CLIP4: variants seen among roughly 807,000 people sequenced by gnomAD.
CLIP4 encodes CAP-Gly domain-containing linker protein 4.
A neutral mutation model predicts 73.1 loss-of-function variants in CLIP4; 47 were observed. The ratio of observed to expected loss-of-function variants is 0.64; its 90% CI spans 0.51 to 0.82. The LOEUF (loss-of-function observed/expected upper bound fraction) is 0.82. Among genes scored for constraint, CLIP4 ranks in the 40% least tolerant of loss-of-function variants. The pLI is 0.00. For synonymous variants in CLIP4, 306 were observed against 295.4 expected (o/e 1.04, Z -0.37); for missense variants, 874 against 852.9 (o/e 1.02, Z -0.31).
chr2:29,169,228 G>A (rs763122582), intron 14 of CLIP4, among the ~76,000 whole-genome samples: 2 of 152,118 alleles, frequency 1.3e-5, no homozygotes, highest in Non-Finnish European at 2.9e-5. Flanking sequence ...GGCTCTAGAA[G>A]TCTGAGATCA....
intron 15 of CLIP4, 22 bp downstream of exon 15, chr2:29,174,467 A>G (rs899203826): frequency 3.1e-6 from 5 of 1,603,588 alleles, no homozygotes; most frequent in Admixed American, 1.7e-5. Flanking sequence ...GAAGATTTAG[A>G]AAAACACCTT....
chr2:29,103,443 T>C (rs117043619), intron 1 of CLIP4, among the ~76,000 whole-genome samples: 5,523 of 151,886 alleles, frequency 0.036, 290 homozygotes, highest in African/African-American at 0.11. Context: ...ATTATATATA[T>C]AATTTTAACA....
chr2:29,163,874 T>C lies in CLIP4; in HGVS notation c.1578T>C (p.Asn526=), dbSNP rs201699655. The C allele has an allele frequency of 5.0e-6, 8 of 1,613,686 alleles. No homozygotes were observed. The Admixed American group carries it at 1.0e-4, about 20-fold the overall frequency. ...GIELEKPHGK[N]DGSVGGVQYF... Reference sequence around the variant, plus strand: ...AGCTTGAAAAACCCCATGGCAAGAATGATGGTTCAGTTGGAGGTGTGCAGT... The same window carrying C: ...AGCTTGAAAAACCCCATGGCAAGAACGATGGTTCAGTTGGAGGTGTGCAGT... Residue 526 remains asparagine, a synonymous_variant, in exon 13 of 16, where the codon AAT becomes AAC. Coordinates refer to ENST00000320081, the MANE Select transcript of CLIP4 (RefSeq NM_024692.6).
At position 29,109,878 on chromosome 2, in the gene CLIP4, C is replaced by T. The variant is rs1484260643; in HGVS notation, c.-15-11496C>T. On this transcript the variant is annotated intron_variant, in intron 1 of 14. Coordinates refer to the CLIP4 transcript ENST00000401605. ...TTCAAGACCAGCCTGGCCGTCATAGCGAAACCCCGTCTCTACTAAAAATAC... is the reference window on the plus strand; with the variant it reads ...TTCAAGACCAGCCTGGCCGTCATAGTGAAACCCCGTCTCTACTAAAAATAC... Among the ~76,000 whole-genome samples, 5 of 152,044 alleles carry T rather than the reference C, an allele frequency of 3.3e-5. 1 individual carries two copies. The highest frequency in any genetic ancestry group is 2.1e-4 in the South Asian group (1 of 4,810).
At chr2:29,115,005 A>T (rs970498896), upstream of CLIP4, 2 of 152,492 alleles carry the variant, frequency 1.3e-5, no homozygotes, top group African/African-American at 4.8e-5. The surrounding 1 kb of genome is among the most constrained non-coding windows in gnomAD (Gnocchi z 5.1). Context: ...GTGGGTGAAG[A>T]GGCAGCAAAG....
At position 29,143,896 on chromosome 2, in the gene CLIP4, C is replaced by T. The variant is rs1171501228; in HGVS notation, c.836C>T (p.Thr279Met). 12 of 1,614,152 alleles carry T rather than the reference C, an allele frequency of 7.4e-6. No homozygotes were observed. Among genetic ancestry groups the T allele is most frequent in the Admixed American group, 6.7e-5 (4 of 60,028 alleles). Residue 279 changes from threonine (T) to methionine (M), a missense_variant, in exon 7 of 16, where the codon ACG becomes ATG. By Grantham distance (81) the Thr-to-Met change is moderately conservative. Transcript: ENST00000320081. ...YDHVTGKAMLTSLGLKLGDRV... is the reference protein window; with the variant it reads ...YDHVTGKAMLMSLGLKLGDRV... Reference sequence around the variant, plus strand: ...CATGTCACTGGCAAGGCAATGCTTACGTCACTTGGCCTGAAGTTGGGGGAT... The same window carrying T: ...CATGTCACTGGCAAGGCAATGCTTATGTCACTTGGCCTGAAGTTGGGGGAT...
At chr2:29,161,988 T>C (rs1667324155) in intron 12 of CLIP4, among the ~76,000 whole-genome samples, 1 of 152,260 alleles carries the variant, frequency 6.6e-6, no homozygotes, top group South Asian at 2.1e-4. Flanking sequence ...TTAGGTGTTT[T>C]ATAATTCATG....
At position 29,160,425 on chromosome 2, in the gene CLIP4, C is replaced by A. The variant is rs764740097; in HGVS notation, c.1492C>A (p.Leu498Met). ...GAGAGTGTTAGTGGTAGGACAGAGA[C>A]TGGGCACCATTAGGTTCTTTGGGAC... The part of the protein sequence containing the change: ...GERVLVVGQR[L>M]GTIRFFGTTN... Residue 498 changes from leucine to methionine, a missense_variant, in exon 12 of 16, where the codon CTG becomes ATG. Leu to Met is a conservative substitution (Grantham distance 15, BLOSUM62 2). Transcript: ENST00000320081. 1.9e-6 allele frequency: 3 copies of A among 1,614,198 alleles called. No individual in the cohort carries two copies. The highest frequency in any genetic ancestry group is 2.5e-6 in the Non-Finnish European group (3 of 1,180,014).
chr2:29,165,864 A>T (rs1452718374), intron 13 of CLIP4, among the ~76,000 whole-genome samples: 1 of 151,588 alleles, frequency 6.6e-6, no homozygotes, highest in East Asian at 1.9e-4. Flanking sequence ...TCATGGTTTC[A>T]TCTTTTCCTT....
chr2:29,106,476 T>C (rs1328935393), intron 1 of CLIP4, among the ~76,000 whole-genome samples: 1 of 152,226 alleles, frequency 6.6e-6, no homozygotes, highest in Non-Finnish European at 1.5e-5. Context: ...CAGCTATTCA[T>C]TGAGCACTCA....
At chr2:29,156,102 C>T (rs1050619455) in intron 9 of CLIP4, among the ~76,000 whole-genome samples, 4 of 152,172 alleles carry the variant, frequency 2.6e-5, no homozygotes, top group Non-Finnish European at 4.4e-5. Flanking sequence ...CTGACCTGTC[C>T]CTTAGGACCC....
At chr2:29,147,089 C>T (rs1666222572) in intron 8 of CLIP4, among the ~76,000 whole-genome samples, 1 of 151,972 alleles carries the variant, frequency 6.6e-6, no homozygotes, top group Middle Eastern at 3.2e-3. Flanking sequence ...GTGTAATTTC[C>T]CCAAATCTTT....
At chr2:29,137,308 T>G (rs970747680) in intron 6 of CLIP4, among the ~76,000 whole-genome samples, 2 of 152,176 alleles carry the variant, frequency 1.3e-5, no homozygotes, top group African/African-American at 4.8e-5. Context: ...GCATTAATTT[T>G]CTTAGGATAA....
chr2:29,181,268 C>T (rs1668627352), intron 15 of CLIP4, among the ~76,000 whole-genome samples: 1 of 152,152 alleles, frequency 6.6e-6, no homozygotes, highest in South Asian at 2.1e-4. Flanking sequence ...TCATTGTCCT[C>T]ACTTTGTGCA....
intron 6 of CLIP4, among the ~76,000 whole-genome samples, chr2:29,139,432 C>A (rs912924732): frequency 6.6e-6 from 1 of 151,914 alleles, no homozygotes; most frequent in African/African-American, 2.4e-5. Context: ...GGGATATTGG[C>A]CTGTAGTTTT....
chr2:29,163,702 G>A (rs1667428741), intron 12 of CLIP4, 129 bp from the exon 13 acceptor site: 3 of 791,442 alleles, frequency 3.8e-6, no homozygotes, highest in African/African-American at 1.8e-5. Flanking sequence ...ATCTTAATGA[G>A]TATCATGATC....
chr2:29,148,100 C>G (rs1391321886), intron 8 of CLIP4, among the ~76,000 whole-genome samples: 1 of 152,098 alleles, frequency 6.6e-6, no homozygotes, highest in African/African-American at 2.4e-5. Flanking sequence ...ACCCCCGTCC[C>G]CTTGTATGTA....
chr2:29,139,045 A>G (rs1268297366), intron 6 of CLIP4, among the ~76,000 whole-genome samples: 1 of 152,122 alleles, frequency 6.6e-6, no homozygotes, highest in East Asian at 1.9e-4. Context: ...TATGTTGAAT[A>G]GGCGTAGTGA....
intron 9 of CLIP4, among the ~76,000 whole-genome samples, chr2:29,154,169 T>G (rs1666766325): frequency 6.6e-6 from 1 of 152,160 alleles, no homozygotes; most frequent in Admixed American, 6.5e-5. Context: ...ACTCCATACT[T>G]TTTGGTGGCA....
Sources: gnomAD v4.1 joint callset for allele counts (sites outside exome capture counted in the v4.1 genomes callset) on GRCh38, gnomAD v4.1.1 for gene constraint, Gnocchi (gnomAD v3.1) non-coding constraint, MANE v1.5 for transcripts, NCBI Gene and HGNC (gene_info 2026-07-23, HGNC 2026-07-21) for gene names.